Variants in CEP19 observed in about 807,000 individuals in gnomAD.
CEP19 encodes the protein centrosomal protein 19.
A neutral mutation model predicts 17.5 loss-of-function variants in CEP19; 14 were observed. That is an observed-to-expected ratio of 0.80 (90% CI 0.53 to 1.25). The LOEUF (loss-of-function observed/expected upper bound fraction) is 1.25, where lower values mean the gene tolerates loss of function less well. CEP19 is among the 50% of genes most tolerant of loss of function. The probability of loss-of-function intolerance (pLI) is 0.00; values close to 1 mark genes in which losing one functional copy is unlikely to be tolerated. For synonymous variants in CEP19, 59 were observed against 65.5 expected (o/e 0.90, Z 0.48); for missense variants, 193 against 192.0 (o/e 1.01, Z -0.03).
chr3:196,709,564 G>C (rs1711669678), intron 1 of CEP19, among the ~76,000 whole-genome samples: 1 of 152,194 alleles, frequency 6.6e-6, no homozygotes, highest in Non-Finnish European at 1.5e-5. Flanking sequence ...TGCAGAATCA[G>C]CTTCTTCATA....
rs1390353086 is a variant in CEP19 at position 196,712,055 on chromosome 3, C to G, written c.-197G>C. 4.4e-5 allele frequency: 31 copies of G among 709,720 alleles called. No individual in the cohort carries two copies. The Admixed American group carries it at 6.3e-4, about 14-fold the overall frequency. The allele number at this position is 709,720 out of a possible 1,614,324, so 44.0% of individuals were successfully genotyped here. On this transcript the variant is annotated 5_prime_UTR_variant, in exon 1 of 3. Transcript: ENST00000409690. Reference sequence around the variant, plus strand: ...GACTGTGAGACCGGGCGGAGCCTGGCGCTGCAGGAAGAGGCGACAGCCACA... The same window carrying G: ...GACTGTGAGACCGGGCGGAGCCTGGGGCTGCAGGAAGAGGCGACAGCCACA...
Position 196,708,472 on chromosome 3 carries a change from G to A in CEP19, c.130+56C>T, listed in dbSNP as rs576531530. On this transcript the variant is annotated intron_variant, in intron 2 of 2. Transcript: ENST00000409690. ...ATCCAGTCCCTGACAGAGTCATGAT[G>A]TGAACCTGTATTTAGAGAATATTTA... is the stretch of plus-strand genomic sequence containing the variant. 35 of 1,524,068 alleles carry A rather than the reference G, an allele frequency of 2.3e-5. No individual in the cohort carries two copies. In the African/African-American group the frequency reaches 4.1e-4, roughly 18 times the overall value. The allele number at this position is 1,524,068 out of a possible 1,614,324, so 94.4% of individuals were successfully genotyped here. A position where few individuals can be genotyped will look rare whatever the true frequency, so the allele number is the denominator to read the frequency against.
Position 196,707,439 on chromosome 3 carries a change from T to G in CEP19, c.*112A>C. ...GTCCTGGTTTTGAAAAGTAACATGG[T>G]CAATCCCCTATAACCCAACATATTT... On this transcript the variant is annotated 3_prime_UTR_variant, in exon 3 of 3. Coordinates refer to ENST00000409690, the MANE Select transcript of CEP19 (RefSeq NM_032898.5). 8.4e-7 allele frequency: 1 copy of G among 1,196,840 alleles called. No homozygotes were observed. Among genetic ancestry groups the G allele is most frequent in the Non-Finnish European group, 1.2e-6 (1 of 857,710 alleles). The allele number at this position is 1,196,840 out of a possible 1,614,324, so 74.1% of individuals were successfully genotyped here. A position where few individuals can be genotyped will look rare whatever the true frequency, so the allele number is the denominator to read the frequency against.
At chr3:196,711,897 C>G (rs1372489695) in intron 1 of CEP19, 32 bp downstream of exon 1, 2 of 717,326 alleles carry the variant, frequency 2.8e-6, no homozygotes, top group Non-Finnish European at 5.2e-6. Context: ...TCCCTACTCA[C>G]GTCTCCACTA....
chr3:196,708,881 A>G (rs1438847266), intron 1 of CEP19, 154 bp from the exon 2 acceptor site: 2 of 524,150 alleles, frequency 3.8e-6, no homozygotes, highest in Admixed American at 6.7e-5. Flanking sequence ...TGCTTCATGA[A>G]TTTGTGTGTC....
At chr3:196,709,637 AAT>A (rs1711673565) in intron 1 of CEP19, among the ~76,000 whole-genome samples, 1 of 152,224 alleles carries the variant, frequency 6.6e-6, no homozygotes, top group Non-Finnish European at 1.5e-5. Flanking sequence ...CTTCATATAC[AAT>A]AGTCAGTAAT....
rs1711822737 is a variant in CEP19 at position 196,712,047 on chromosome 3, G to T, written c.-189C>A. On this transcript the variant is annotated 5_prime_UTR_variant, in exon 1 of 3. Coordinates refer to ENST00000409690, the MANE Select transcript of CEP19 (RefSeq NM_032898.5). ...CCTAAGCCGACTGTGAGACCGGGCGGAGCCTGGCGCTGCAGGAAGAGGCGA... is the reference window on the plus strand; with the variant it reads ...CCTAAGCCGACTGTGAGACCGGGCGTAGCCTGGCGCTGCAGGAAGAGGCGA... 2 of 713,028 alleles carry T rather than the reference G, an allele frequency of 2.8e-6. No individual in the cohort carries two copies. The highest frequency in any genetic ancestry group is 2.0e-5 in the Admixed American group (1 of 49,764). The allele number at this position is 713,028 out of a possible 1,614,324, so 44.2% of individuals were successfully genotyped here. A position where few individuals can be genotyped will look rare whatever the true frequency, so the allele number is the denominator to read the frequency against.
At chr3:196,710,799 G>A (rs1396905990) in intron 1 of CEP19, among the ~76,000 whole-genome samples, 1 of 141,206 alleles carries the variant, frequency 7.1e-6, no homozygotes, top group East Asian at 2.0e-4. Context: ...TTGAGATGGT[G>A]CCACTGCACA....
Position 196,706,718 on chromosome 3 carries a change from C to G in CEP19, c.*833G>C, listed in dbSNP as rs1410175452. 6.6e-6 allele frequency: 1 copy of G among 152,020 alleles called. No individual in the cohort carries two copies. The highest frequency in any genetic ancestry group is 1.5e-5 in the Non-Finnish European group (1 of 68,030). 9.4% of individuals were successfully genotyped at this position (152,020 alleles called of 1,614,324 possible). A position where few individuals can be genotyped will look rare whatever the true frequency, so the allele number is the denominator to read the frequency against. On this transcript the variant is annotated 3_prime_UTR_variant, in exon 3 of 3. Coordinates refer to ENST00000409690, the MANE Select transcript of CEP19 (RefSeq NM_032898.5). ...TGTCCCCCAATCTTGTCTTGTCAAA[C>G]TATAATTTGCTTATGGTTCCTCAAA...
At chr3:196,708,483 T>A in intron 2 of CEP19, 45 bp downstream of exon 2, 2 of 1,588,346 alleles carry the variant, frequency 1.3e-6, no homozygotes, top group South Asian at 1.1e-5. Flanking sequence ...TGAACCTGTA[T>A]TTAGAGAATA....
intron 1 of CEP19, among the ~76,000 whole-genome samples, chr3:196,711,498 G>C (rs1439528370): frequency 6.6e-6 from 1 of 152,118 alleles, no homozygotes; most frequent in African/African-American, 2.4e-5. Flanking sequence ...GCTAATCTTT[G>C]TATTTTCAGT....
intron 1 of CEP19, 118 bp from the exon 2 acceptor site, chr3:196,708,845 A>C: frequency 1.7e-6 from 1 of 571,468 alleles, no homozygotes; most frequent in Non-Finnish European, 3.0e-6. Context: ...TGTGAAACTC[A>C]TTTTTTTTAA....
rs1171723164 is a variant in CEP19, at chr3:196,707,614, T to C, written c.429A>G (p.Glu143=). The stretch of plus-strand genomic sequence containing the variant: ...ACTGCAGTTGATCGTCCTGTGGAAA[T>C]TCAACCTCAATGTCATAAACAAAAT... ...DPNFVYDIEV[E]FPQDDQLQSC... The change falls in exon 3 of 3, where the codon GAA becomes GAG. Residue 143 remains glutamate (E), a synonymous_variant. Transcript: ENST00000409690. 6.2e-7 allele frequency: 1 copy of C among 1,613,778 alleles called. No individual in the cohort carries two copies. The highest frequency in any genetic ancestry group is 2.2e-5 in the East Asian group (1 of 44,900).
At chr3:196,708,839 A>G (rs1711630552) in intron 1 of CEP19, 112 bp from the exon 2 acceptor site, 2 of 588,178 alleles carry the variant, frequency 3.4e-6, no homozygotes, top group South Asian at 4.6e-5. Flanking sequence ...TCAGCCTGTG[A>G]AACTCATTTT....
chr3:196,707,893 T>C lies in CEP19; in HGVS notation c.150A>G (p.Glu50=), dbSNP rs776975903. 1.8e-5 allele frequency: 29 copies of C among 1,611,362 alleles called. No homozygotes were observed. The highest frequency in any genetic ancestry group is 2.5e-5 in the Non-Finnish European group (29 of 1,179,870). The change falls in exon 3 of 3, where the codon GAA becomes GAG. Residue 50 remains glutamate (E), a synonymous_variant. Coordinates refer to ENST00000409690, the MANE Select transcript of CEP19 (RefSeq NM_032898.5). ...SKFSDCTRAA[E]QLKNNPRHKS... ...TGTGTCGCGGATTATTCTTTAATTG[T>C]TCAGCAGCTCTGGTGCAATCTGGGA...
chr3:196,710,517 C>T (rs1289409102), intron 1 of CEP19, among the ~76,000 whole-genome samples: 6 of 152,032 alleles, frequency 3.9e-5, no homozygotes, highest in Non-Finnish European at 8.8e-5. Flanking sequence ...TGCACTCCAG[C>T]ATGGGTGACA....
chr3:196,712,219 G>T lies in CEP19; in HGVS notation c.-361C>A. 1 of 537,110 alleles carries T rather than the reference G, an allele frequency of 1.9e-6. No individual in the cohort carries two copies. The highest frequency in any genetic ancestry group is 3.3e-6 in the Non-Finnish European group (1 of 299,520). 33.3% of individuals were successfully genotyped at this position (537,110 alleles called of 1,614,324 possible). A position where few individuals can be genotyped will look rare whatever the true frequency, so the allele number is the denominator to read the frequency against. The stretch of plus-strand genomic sequence containing the variant: ...GCGTACAGGGATTCCAGGTCCCGGC[G>T]AGCGCTGGCCTAGCGGTTTCCACAG... On this transcript the variant is annotated 5_prime_UTR_variant, in exon 1 of 3. Coordinates refer to ENST00000409690, the MANE Select transcript of CEP19 (RefSeq NM_032898.5).
At chr3:196,710,843 A>T (rs1341462635) in intron 1 of CEP19, among the ~76,000 whole-genome samples, 27 of 15,506 alleles carry the variant, frequency 1.7e-3, no homozygotes, top group African/African-American at 3.0e-4. Context: ...GCCTATTCTT[A>T]AAAAAAAAAA....
rs1711531534 is a variant in CEP19, at chr3:196,706,810, T to G, written c.*741A>C. On this transcript the variant is annotated 3_prime_UTR_variant, in exon 3 of 3. Coordinates refer to ENST00000409690, the MANE Select transcript of CEP19 (RefSeq NM_032898.5). ...TCTTTTCAGTTGCTCTTATCAGGAA[T>G]CCTACACAAGCATCTACCTAAACAC... 1 of 152,216 alleles carries G rather than the reference T, an allele frequency of 6.6e-6. No homozygotes were observed. The highest frequency in any genetic ancestry group is 1.9e-4 in the East Asian group (1 of 5,184). The allele number at this position is 152,216 out of a possible 1,614,324, so 9.4% of individuals were successfully genotyped here.
Sources: gnomAD v4.1 joint callset for allele counts (sites outside exome capture counted in the v4.1 genomes callset) on GRCh38, gnomAD v4.1.1 for gene constraint, MANE v1.5 for transcripts, NCBI Gene and HGNC (gene_info 2026-07-23, HGNC 2026-07-21) for gene names.